THNSL2: variants seen among roughly 807,000 people sequenced by gnomAD.
THNSL2 encodes threonine synthase like 2.
A neutral mutation model predicts 40.0 loss-of-function variants in THNSL2; 34 were observed. The observed-to-expected ratio is 0.85, with a 90% CI of 0.65 to 1.13. THNSL2 has a LOEUF of 1.13. Among genes scored for constraint, THNSL2 ranks in the 50% most tolerant of loss-of-function variants. THNSL2 has a pLI of 0.00. For synonymous variants in THNSL2, 241 were observed against 247.5 expected, an observed-to-expected ratio of 0.97 and a Z score of 0.25; for missense variants, 537 against 608.8, an observed-to-expected ratio of 0.88 and a Z score of 1.24.
intron 5 of THNSL2, among the ~76,000 whole-genome samples, chr2:88,179,954 C>T (rs1677353617): frequency 6.6e-6 from 1 of 152,224 alleles, no homozygotes; most frequent in African/African-American, 2.4e-5. Flanking sequence ...GATGGTCTAG[C>T]TGAGAGCACG....
chr2:88,176,738 G>C (rs1045798718), intron 4 of THNSL2: 1 of 152,222 alleles, frequency 6.6e-6, no homozygotes, highest in African/African-American at 2.4e-5. Flanking sequence ...CTGTTCTTTA[G>C]CAGGTGCATA....
At chr2:88,172,155 C>T (rs1018946284) in intron 1 of THNSL2, 2 of 152,360 alleles carry the variant, frequency 1.3e-5, no homozygotes, top group African/African-American at 2.4e-5. Flanking sequence ...TACTGTGGGG[C>T]GTCAAAGCCA....
chr2:88,183,975 C>T (rs1319685861), intron 7 of THNSL2, among the ~76,000 whole-genome samples: 1 of 152,192 alleles, frequency 6.6e-6, no homozygotes, highest in Non-Finnish European at 1.5e-5. Flanking sequence ...GATTCTACAT[C>T]CGAGTGTTTC....
At chr2:88,185,634 C>G (rs939531208) in intron 8 of THNSL2, 155 bp downstream of exon 8, 1 of 1,551,394 alleles carries the variant, frequency 6.4e-7, no homozygotes, top group African/African-American at 1.4e-5. Context: ...ACTGTGGGCC[C>G]AGAAGAGGGA....
Position 88,186,241 on chromosome 2 carries a change from T to G in THNSL2, c.*118T>G. The G allele has an allele frequency of 9.6e-7, 1 of 1,040,470 alleles. No individual in the cohort carries two copies. The highest frequency in any genetic ancestry group is 1.4e-6 in the Non-Finnish European group (1 of 703,992). The allele number at this position is 1,040,470 out of a possible 1,614,324, so 64.5% of individuals were successfully genotyped here. A position where few individuals can be genotyped will look rare whatever the true frequency, so the allele number is the denominator to read the frequency against. The stretch of plus-strand genomic sequence containing the variant: ...GGAGGTTTCCGGGAGGCTGCTCAGC[T>G]GGATCTGGAGCCAGCTGGCTTTGCT... On this transcript the variant is annotated 3_prime_UTR_variant, in exon 9 of 9. Coordinates refer to ENST00000674334, the MANE Select transcript of THNSL2 (RefSeq NM_018271.5).
intron 1 of THNSL2, 199 bp from the exon 2 acceptor site, chr2:88,172,940 T>C (rs1401747235): frequency 2.6e-6 from 1 of 388,208 alleles, no homozygotes; most frequent in African/African-American, 2.1e-5. Context: ...CTCATTTTGA[T>C]TGGTGGAATC....
intron 7 of THNSL2, 54 bp from the exon 8 acceptor site, chr2:88,185,274 T>TTAGAAAA: frequency 6.5e-7 from 1 of 1,546,204 alleles, no homozygotes; most frequent in Non-Finnish European, 8.7e-7. Flanking sequence ...GGTTTTGTCA[T>TTAGAAAA]CTTTCCCTAC....
At chr2:88,175,153 G>A (rs899893475) in intron 3 of THNSL2, 96 bp from the exon 4 acceptor site, 5 of 1,328,876 alleles carry the variant, frequency 3.8e-6, no homozygotes, top group Non-Finnish European at 4.1e-6. Flanking sequence ...TGAAGTAGAT[G>A]TTGCTATATT....
In THNSL2 at chr2:88,186,109, A is replaced by G; in HGVS notation, c.1441A>G (p.Asn481Asp). 1 of 1,555,582 alleles carries G rather than the reference A, an allele frequency of 6.4e-7. No individual in the cohort carries two copies. Among genetic ancestry groups the G allele is most frequent in the East Asian group, 2.4e-5 (1 of 41,380 alleles). Residue 481 changes from asparagine (N) to aspartate (D), a missense_variant, in exon 9 of 9, where the codon AAC becomes GAC. Coordinates refer to ENST00000674334, the MANE Select transcript of THNSL2 (RefSeq NM_018271.5). ...LSRQWRSHALNTSQ is the reference protein window; with the variant it reads ...LSRQWRSHALDTSQ ...CCGACAGTGGAGGAGTCATGCCCTC[A>G]ACACCTCCCAGTAGCCTGGCTGGAG...
intron 5 of THNSL2, among the ~76,000 whole-genome samples, chr2:88,179,287 G>T (rs1381390776): frequency 6.6e-6 from 1 of 152,232 alleles, no homozygotes; most frequent in East Asian, 1.9e-4. Context: ...GCAGAGTGTG[G>T]AGAGGCAAGG....
intron 4 of THNSL2, chr2:88,175,848 A>G (rs1316695699): frequency 6.4e-6 from 1 of 157,046 alleles, no homozygotes; most frequent in Non-Finnish European, 1.4e-5. Context: ...CTGTAATCCC[A>G]GCACTTTGGG....
rs74470476 is a variant in THNSL2 at position 88,177,805 on chromosome 2, T to C, written c.572-978T>C. Among the ~76,000 whole-genome samples the C allele has an allele frequency of 7.0e-3, 1,072 of 152,306 alleles. 46 individuals carry two copies. The East Asian group carries it at 0.12, about 17-fold the overall frequency. On this transcript the variant is annotated intron_variant, in intron 4 of 8. Coordinates refer to ENST00000674334, the MANE Select transcript of THNSL2 (RefSeq NM_018271.5). ...TGTCCTTGTGGTTCACTGATCGGAA[T>C]TTATTCACATGCTCATTGTGGAGCC...
Position 88,186,071 on chromosome 2 carries a change from T to C in THNSL2, c.1403T>C (p.Ile468Thr), listed in dbSNP as rs748639758. The change falls in exon 9 of 9, where the codon ATT (isoleucine) becomes ACT (threonine). Residue 468 changes from isoleucine (I) to threonine (T), a missense_variant. By Grantham distance (89) the Ile-to-Thr change is moderately conservative (BLOSUM62 -1). Transcript: ENST00000674334. Reference protein sequence around the residue: ...DNWMLMLRDTIEDLSRQWRSH... With the variant: ...DNWMLMLRDTTEDLSRQWRSH... ...TGGATGCTGATGCTTCGGGACACCA[T>C]TGAGGACCTTAGCCGACAGTGGAGG... 6 of 1,577,256 alleles carry C rather than the reference T, an allele frequency of 3.8e-6. No individual in the cohort carries two copies. Among genetic ancestry groups the C allele is most frequent in the Non-Finnish European group, 5.2e-6 (6 of 1,161,286 alleles).
intron 1 of THNSL2, chr2:88,172,652 A>C (rs546828585): frequency 1.3e-5 from 2 of 152,512 alleles, no homozygotes; most frequent in African/African-American, 4.8e-5. Flanking sequence ...AAGCTACCAC[A>C]GTTGAGAACT....
Position 88,183,039 on chromosome 2 carries a change from A to G in THNSL2, c.1043A>G (p.Gln348Arg). ...RALMEQFERT[Q>R]SVNLPKELHS... ...CTCATGGAGCAGTTTGAAAGGACCC[A>G]AAGTGTGAATCTGCCCAAGGAACTG... The change falls in exon 7 of 9, where the codon CAA becomes CGA. Residue 348 changes from glutamine to arginine, a missense_variant. Transcript: ENST00000674334. 1 of 1,613,824 alleles carries G rather than the reference A, an allele frequency of 6.2e-7. No homozygotes were observed. The highest frequency in any genetic ancestry group is 8.5e-7 in the Non-Finnish European group (1 of 1,180,030).
intron 2 of THNSL2, among the ~76,000 whole-genome samples, chr2:88,174,344 C>T (rs1676677026): frequency 1.3e-5 from 2 of 151,930 alleles, no homozygotes. Context: ...GATTGGAATA[C>T]ATGCTCACGA....
chr2:88,183,010 A>G lies in THNSL2; in HGVS notation c.1014A>G (p.Arg338=). Reference sequence around the variant, plus strand: ...CTGGCTCTGACAGCCAGGTGACAAGAGCCCTCATGGAGCAGTTTGAAAGGA... The same window carrying G: ...CTGGCTCTGACAGCCAGGTGACAAGGGCCCTCATGGAGCAGTTTGAAAGGA... The part of the protein sequence containing the change: ...LLSGSDSQVT[R]ALMEQFERTQ... Residue 338 remains arginine, a synonymous_variant, in exon 7 of 9, where the codon AGA becomes AGG. Transcript: ENST00000674334. 1 of 1,614,096 alleles carries G rather than the reference A, an allele frequency of 6.2e-7. No homozygotes were observed. The highest frequency in any genetic ancestry group is 8.5e-7 in the Non-Finnish European group (1 of 1,180,028).
rs1473917319 is a variant in THNSL2, at chr2:88,185,587, G to C, written c.1229+108G>C. The C allele has an allele frequency of 1.9e-6, 3 of 1,551,644 alleles. No homozygotes were observed. In the Admixed American group the frequency reaches 5.9e-5, roughly 30 times the overall value. ...GGACTACGAAAAAATGGCTGTAATG[G>C]AGTGTGATGGGTGCTGTGTGGAACT... On this transcript the variant is annotated intron_variant, in intron 8 of 8. Transcript: ENST00000674334.
intron 5 of THNSL2, among the ~76,000 whole-genome samples, chr2:88,180,296 G>A (rs925684172): frequency 5.3e-5 from 8 of 152,240 alleles, no homozygotes; most frequent in African/African-American, 1.4e-4. Context: ...TTTCTCCGCT[G>A]TCAGGCAAGG....
Sources: allele counts gnomAD v4.1 joint callset (sites outside exome capture counted in the v4.1 genomes callset), GRCh38; gene constraint gnomAD v4.1.1; transcripts MANE v1.5; gene names NCBI Gene and HGNC (gene_info 2026-07-23, HGNC 2026-07-21).